The following TMPRSS6 variants were observed in gnomAD, a reference collection of about 807,000 sequenced individuals.
TMPRSS6 encodes transmembrane serine protease 6, also known as transmembrane protease serine 6.
Under a neutral mutation model 101.5 loss-of-function variants are expected in TMPRSS6, and 67 were observed. The observed-to-expected ratio is 0.66, with a 90% CI of 0.54 to 0.81. The LOEUF is 0.81. Among genes scored for constraint, TMPRSS6 ranks in the 30% least tolerant of loss-of-function variants. The probability of loss-of-function intolerance (pLI) is 0.00; values close to 1 mark genes in which losing one functional copy is unlikely to be tolerated. For missense variants in TMPRSS6, 1,034 were observed against 1,088.7 expected, an observed-to-expected ratio of 0.95 and a Z score of 0.71; for synonymous variants, 453 against 464.9, an observed-to-expected ratio of 0.97 and a Z score of 0.33.
chr22:37,085,329 C>A (rs1029747008), intron 8 of TMPRSS6, among the ~76,000 whole-genome samples: 2 of 152,136 alleles, frequency 1.3e-5, no homozygotes, highest in African/African-American at 4.8e-5. Flanking sequence ...GGCCAGGGCC[C>A]CCAAAGCCCT....
At chr22:37,081,222 C>T (rs1928243914) in intron 10 of TMPRSS6, among the ~76,000 whole-genome samples, 1 of 152,240 alleles carries the variant, frequency 6.6e-6, no homozygotes, top group African/African-American at 2.4e-5. Flanking sequence ...GTTTGTTGCA[C>T]TTGACCTAAG....
chr22:37,076,350 C>T (rs1245920585), intron 10 of TMPRSS6, among the ~76,000 whole-genome samples: 2 of 152,200 alleles, frequency 1.3e-5, no homozygotes, highest in African/African-American at 4.8e-5. Flanking sequence ...GCAGCACCTT[C>T]TCTGTGCATG....
intron 10 of TMPRSS6, among the ~76,000 whole-genome samples, chr22:37,081,907 G>C: frequency 6.6e-6 from 1 of 152,234 alleles, no homozygotes; most frequent in East Asian, 1.9e-4. Flanking sequence ...GTTGGAAGCT[G>C]TCCTAGTGCC....
rs1930313358 is a variant in TMPRSS6 at position 37,101,558 on chromosome 22, G to T, written c.202+1658C>A. On this transcript the variant is annotated intron_variant, in intron 2 of 17. Transcript: ENST00000676104. This position sits in a 1 kb window ranked among gnomAD's most constrained non-coding sequence, Gnocchi z 4.1. The stretch of plus-strand genomic sequence containing the variant: ...GATCCACTTCCTTGCCCAGCGCCCA[G>T]TCCCAGGAGCACAGCCTGGTCAAGG... Among the ~76,000 whole-genome samples the T allele has an allele frequency of 6.6e-6, 1 of 152,068 alleles. No individual in the cohort carries two copies. The highest frequency in any genetic ancestry group is 1.5e-5 in the Non-Finnish European group (1 of 68,010).
chr22:37,082,512 C>A, intron 10 of TMPRSS6: 1 of 170,066 alleles, frequency 5.9e-6, no homozygotes, highest in Admixed American at 5.4e-5. Flanking sequence ...CAGGGTCACC[C>A]TGCGGGTTCC....
At position 37,089,699 on chromosome 22, in the gene TMPRSS6, G is replaced by A; in HGVS notation, c.715C>T (p.His239Tyr). ...ATGAGGTCCTTGGGGCCCTGCAGGT[G>A]CCACAGGCAGCTGGAGGCCAGGTGG... is the stretch of plus-strand genomic sequence containing the variant. ...PDHLASSCLW[H>Y]LQGPKDLMLK... Residue 239 changes from histidine to tyrosine, a missense_variant, in exon 7 of 18, where the codon CAC (histidine) becomes TAC (tyrosine). By Grantham distance (83) the His-to-Tyr change is moderately conservative. Transcript: ENST00000676104. 6.2e-7 allele frequency: 1 copy of A among 1,611,972 alleles called. No homozygotes were observed. Among genetic ancestry groups the A allele is most frequent in the East Asian group, 2.2e-5 (1 of 44,848 alleles).
chr22:37,078,368 A>C (rs1290228108), intron 10 of TMPRSS6, among the ~76,000 whole-genome samples: 2 of 152,218 alleles, frequency 1.3e-5, no homozygotes, highest in Non-Finnish European at 2.9e-5. Flanking sequence ...CTCCAGGGAG[A>C]GTCCTAGAAC....
In TMPRSS6 at chr22:37,069,309, C is replaced by T. The variant is rs377054987; in HGVS notation, c.1877G>A (p.Gly626Asp). Residue 626 changes from glycine (G) to aspartate (D), a missense_variant, in exon 16 of 18, where the codon GGC becomes GAC. Transcript: ENST00000676104. The surrounding 1 kb of genome is among the most constrained non-coding windows in gnomAD (Gnocchi z 4.8). ...CCAGCGCGAGTTCTGCCACACCTTG[C>T]CCAGGAACACGGTCCACAGCACCGT... ...ASTVLWTVFL[G>D]KVWQNSRWPG... 3 of 1,589,008 alleles carry T rather than the reference C, an allele frequency of 1.9e-6. No homozygotes were observed. In the African/African-American group the frequency reaches 4.1e-5, roughly 22 times the overall value.
In TMPRSS6 at chr22:37,085,644, C is replaced by T. The variant is rs77254882; in HGVS notation, c.973+639G>A. On this transcript the variant is annotated intron_variant, in intron 8 of 17. Transcript: ENST00000676104. ...CCAGGCCCAGGACAGCTGTCCCATG[C>T]GGGGTGGGACGTGCCCTTCCTGGGA... 9.0e-3 allele frequency among the ~76,000 whole-genome samples: 1,371 copies of T among 151,974 alleles called. 21 individuals carry two copies. Among genetic ancestry groups the T allele is most frequent in the African/African-American group, 0.031 (1,277 of 41,426 alleles).
intron 6 of TMPRSS6, among the ~76,000 whole-genome samples, chr22:37,093,074 C>T (rs959152663): frequency 2.0e-5 from 3 of 152,098 alleles, no homozygotes; most frequent in East Asian, 1.9e-4. Flanking sequence ...GTGTCCTCAG[C>T]GCAGGAATGG....
chr22:37,088,230 C>G (rs892922459), intron 7 of TMPRSS6, among the ~76,000 whole-genome samples: 1 of 152,158 alleles, frequency 6.6e-6, no homozygotes. Context: ...ACTCAGCCCA[C>G]GCACATGCCG....
At chr22:37,094,903 C>A (rs1569020212) in intron 6 of TMPRSS6, among the ~76,000 whole-genome samples, 1 of 152,200 alleles carries the variant, frequency 6.6e-6, no homozygotes, top group Non-Finnish European at 1.5e-5. Flanking sequence ...GCCATAGAGT[C>A]CAGCAGCCAG....
intron 10 of TMPRSS6, among the ~76,000 whole-genome samples, chr22:37,078,940 A>G (rs1927962712): frequency 1.1e-5 from 1 of 90,746 alleles, no homozygotes; most frequent in South Asian, 2.8e-4. Context: ...GAAGAAGGAG[A>G]AGGAGAAGGA....
chr22:37,078,973 A>AAGAAAGAAAGAAAGAAAGAAAGAAAG lies in TMPRSS6; in HGVS notation c.1197-3694_1197-3693insCTTTCTTTCTTTCTTTCTTTCTTTCT, dbSNP rs762878165. Among the ~76,000 whole-genome samples the AAGAAAGAAAGAAAGAAAGAAAGAAAG allele has an allele frequency of 8.4e-5, 9 of 106,588 alleles. No individual in the cohort carries two copies. In the East Asian group the frequency reaches 1.4e-3, roughly 17 times the overall value. The allele number at this position is 106,588 out of a possible 152,430, so 69.9% of individuals were successfully genotyped here. A position where few individuals can be genotyped will look rare whatever the true frequency, so the allele number is the denominator to read the frequency against. On this transcript the variant is annotated intron_variant, in intron 10 of 17. Transcript: ENST00000676104. ...GGAGAAAAAGAGAAAGAAAGAAAGA[A>AAGAAAGAAAGAAAGAAAGAAAGAAAG]AAAGAAAGAAAGAAAGAAAGAAAGA...
At chr22:37,078,759 AAG>A (rs1320131548) in intron 10 of TMPRSS6, among the ~76,000 whole-genome samples, 3 of 132,612 alleles carry the variant, frequency 2.3e-5, no homozygotes, top group South Asian at 2.3e-4. Flanking sequence ...AGAAAGGAGA[AAG>A]AGAATGAGGA....
At chr22:37,071,838 G>A (rs1292019950) in intron 13 of TMPRSS6, among the ~76,000 whole-genome samples, 1 of 152,218 alleles carries the variant, frequency 6.6e-6, no homozygotes, top group Non-Finnish European at 1.5e-5. Flanking sequence ...GGATAAACGT[G>A]TGGATATAAG....
chr22:37,094,858 A>C (rs1929613151), intron 6 of TMPRSS6, among the ~76,000 whole-genome samples: 1 of 152,188 alleles, frequency 6.6e-6, no homozygotes, highest in Non-Finnish European at 1.5e-5. Flanking sequence ...GGGTGACAAC[A>C]CTAGATAGTG....
At chr22:37,091,058 T>C (rs1463145270) in intron 6 of TMPRSS6, among the ~76,000 whole-genome samples, 1 of 151,776 alleles carries the variant, frequency 6.6e-6, no homozygotes, top group Non-Finnish European at 1.5e-5. Flanking sequence ...GATGCACTGC[T>C]AGAACTTACA....
rs1926351160 is a variant in TMPRSS6 at position 37,066,921 on chromosome 22, T to TA, written c.2154_2155insT (p.Ile719TyrfsTer34). 1 of 1,614,038 alleles carries TA rather than the reference T, an allele frequency of 6.2e-7. No homozygotes were observed. On this transcript the variant is annotated frameshift_variant, in exon 17 of 18. Coordinates refer to ENST00000676104, the MANE Select transcript of TMPRSS6 (RefSeq NM_001374504.1). LOFTEE classifies it high-confidence loss of function. ...ACCTCGCTGCACAGGTCCTGTGGGA[T>TA]CAACTGCACATCCACTTTCTGCAGA...
Sources: allele counts gnomAD v4.1 joint callset (sites outside exome capture counted in the v4.1 genomes callset), GRCh38; gene constraint gnomAD v4.1.1; non-coding constraint Gnocchi (gnomAD v3.1); transcripts MANE v1.5; gene names NCBI Gene and HGNC (gene_info 2026-07-23, HGNC 2026-07-21).